Variants in ZNF420 observed in about 807,000 individuals in gnomAD.
ZNF420 encodes the protein ATM and p53-associated KZNF protein.
In ZNF420, 31 loss-of-function variants were observed where a neutral mutation model predicts 44.7. The ratio of observed to expected loss-of-function variants is 0.69; its 90% CI spans 0.52 to 0.94. The LOEUF (loss-of-function observed/expected upper bound fraction) is 0.94, where lower values mean the gene tolerates loss of function less well. ZNF420 is among the 40% of genes least tolerant of loss of function. The pLI is 0.00. For missense variants in ZNF420, 681 were observed against 827.9 expected, an observed-to-expected ratio of 0.82 and a Z score of 2.18; for synonymous variants, 245 against 267.4, an observed-to-expected ratio of 0.92 and a Z score of 0.82.
rs529612187 is a variant in ZNF420 at position 37,069,669 on chromosome 19, G to A, written c.-124-10676G>A. On this transcript the variant is annotated intron_variant, in intron 1 of 4. Coordinates refer to the ZNF420 transcript ENST00000587029. Reference sequence around the variant, plus strand: ...ACTAAAAGTGAAAAACAGTATTGTCGTATGGATATTTGAAATACGTTTCTA... The same window carrying A: ...ACTAAAAGTGAAAAACAGTATTGTCATATGGATATTTGAAATACGTTTCTA... Among the ~76,000 whole-genome samples, 7 of 152,042 alleles carry A rather than the reference G, an allele frequency of 4.6e-5. 1 individual carries two copies. Among genetic ancestry groups the A allele is most frequent in the African/African-American group, 1.4e-4 (6 of 41,490 alleles).
chr19:37,057,243 C>A (rs559026465), intron 1 of ZNF420, among the ~76,000 whole-genome samples: 1 of 152,346 alleles, frequency 6.6e-6, no homozygotes, highest in Non-Finnish European at 1.5e-5. Flanking sequence ...GTGCGGCATC[C>A]AAGCCTCAGG....
At chr19:37,112,804 C>T (rs1970451064) in intron 4 of ZNF420, among the ~76,000 whole-genome samples, 2 of 152,208 alleles carry the variant, frequency 1.3e-5, no homozygotes, top group Admixed American at 1.3e-4. Context: ...ATCAACCACA[C>T]CAGTATGAAT....
intron 1 of ZNF420, among the ~76,000 whole-genome samples, chr19:37,021,739 C>T (rs536119144): frequency 1.3e-4 from 19 of 151,500 alleles, no homozygotes; most frequent in Non-Finnish European, 1.9e-4. Context: ...GAGTTGGAGA[C>T]AAGCCTGACC....
chr19:37,033,843 G>A (rs1229370195), intron 1 of ZNF420, among the ~76,000 whole-genome samples: 4 of 152,114 alleles, frequency 2.6e-5, no homozygotes, highest in South Asian at 4.2e-4. Flanking sequence ...TGACACCTCC[G>A]CCTCCCAGGT....
intron 4 of ZNF420, among the ~76,000 whole-genome samples, chr19:37,101,659 G>C (rs936427256): frequency 6.6e-6 from 1 of 152,238 alleles, no homozygotes; most frequent in Non-Finnish European, 1.5e-5. Context: ...TTAAGCCCAG[G>C]CTTCCTGCTA....
intron 1 of ZNF420, among the ~76,000 whole-genome samples, chr19:37,041,944 A>C (rs1476073080): frequency 5.9e-5 from 9 of 152,312 alleles, no homozygotes; most frequent in African/African-American, 2.2e-4. Context: ...TTTTCCAGGT[A>C]ACTCAAGACT....
intron 4 of ZNF420, among the ~76,000 whole-genome samples, chr19:37,103,316 ATAAT>A (rs71800993): frequency 0.084 from 12,799 of 152,134 alleles, 717 homozygotes; most frequent in Admixed American, 0.12. Flanking sequence ...TGCTAATGTG[ATAAT>A]TAAAAACATT....
chr19:37,077,574 AATTG>A (rs770907642), upstream of ZNF420, among the ~76,000 whole-genome samples: 38 of 152,198 alleles, frequency 2.5e-4, no homozygotes, highest in Non-Finnish European at 4.6e-4. Context: ...TTGTCAGATA[AATTG>A]ATTATCTTTT....
chr19:37,129,240 AT>A lies in ZNF420; in HGVS notation c.*184del. The A allele has an allele frequency of 1.4e-6, 1 of 705,520 alleles. No individual in the cohort carries two copies. Among genetic ancestry groups the A allele is most frequent in the Non-Finnish European group, 2.3e-6 (1 of 439,182 alleles). 43.7% of individuals were successfully genotyped at this position (705,520 alleles called of 1,614,324 possible). A position where few individuals can be genotyped will look rare whatever the true frequency, so the allele number is the denominator to read the frequency against. On this transcript the variant is annotated 3_prime_UTR_variant, in exon 5 of 5. Transcript: ENST00000337995. ...CATCATTACTGGAAACCTATTAAAC[AT>A]TAGCAAATTGGAGAATAGTTTTAAT...
chr19:37,127,700 C>G lies in ZNF420; in HGVS notation c.709C>G (p.Gln237Glu). 1 of 1,613,900 alleles carries G rather than the reference C, an allele frequency of 6.2e-7. No individual in the cohort carries two copies. Among genetic ancestry groups the G allele is most frequent in the Non-Finnish European group, 8.5e-7 (1 of 1,179,884 alleles). Reference protein sequence around the residue: ...ECGKAFIRSSQLTRHQKVHTG... With the variant: ...ECGKAFIRSSELTRHQKVHTG... The stretch of plus-strand genomic sequence containing the variant: ...TGGGAAAGCCTTTATTCGTAGCTCA[C>G]AACTTACCCGACATCAAAAAGTTCA... Residue 237 changes from glutamine (Q) to glutamate (E), a missense_variant, in exon 5 of 5, where the codon CAA becomes GAA. By Grantham distance (29) the Gln-to-Glu change is conservative. This residue lies in a region of ZNF420 where 350 missense variants were observed against 382.5 expected (regional missense o/e 0.92). Transcript: ENST00000337995.
In ZNF420 at chr19:37,089,116, A is replaced by G. The variant is rs777972927; in HGVS notation, c.-3A>G. The G allele has an allele frequency of 5.0e-6, 8 of 1,613,428 alleles. No individual in the cohort carries two copies. In the Admixed American group the frequency reaches 1.2e-4, roughly 24 times the overall value. ...CTGATCATTTCTTGCAGCTCTAAAA[A>G]CCATGGCTCGGGTAAATTGGAGTTT... On this transcript the variant is annotated 5_prime_UTR_variant, in exon 3 of 5. Coordinates refer to ENST00000337995, the MANE Select transcript of ZNF420 (RefSeq NM_144689.5).
intron 1 of ZNF420, among the ~76,000 whole-genome samples, chr19:37,072,192 A>T (rs1900917630): frequency 6.6e-6 from 1 of 152,192 alleles, no homozygotes; most frequent in Non-Finnish European, 1.5e-5. Context: ...TCTGATAAGG[A>T]AATTATAATG....
intron 4 of ZNF420, chr19:37,107,396 A>C (rs1453933100): frequency 2.0e-5 from 3 of 152,224 alleles, no homozygotes; most frequent in Non-Finnish European, 2.9e-5. Flanking sequence ...TTTTTTAACA[A>C]AGTACATCCT....
At chr19:37,088,773 A>C (rs765295725) in intron 2 of ZNF420, among the ~76,000 whole-genome samples, 4 of 152,194 alleles carry the variant, frequency 2.6e-5, no homozygotes, top group Non-Finnish European at 5.9e-5. Flanking sequence ...GTTGTTCATT[A>C]TCTCCATTTT....
chr19:37,016,947 C>T (rs1044457535), intron 1 of ZNF420, among the ~76,000 whole-genome samples: 7 of 152,174 alleles, frequency 4.6e-5, no homozygotes, highest in Non-Finnish European at 8.8e-5. Flanking sequence ...ACAAGGGTTT[C>T]ATAACCTCCT....
Position 37,060,045 on chromosome 19 carries a change from T to TG in ZNF420, c.-124-20299dup, listed in dbSNP as rs1308165927. ...CGTCTGCCTGGGTCACGTGGCTGGTTGTCTCGTTTTCGCGGCGGTTGCACT... is the reference window on the plus strand; with the variant it reads ...CGTCTGCCTGGGTCACGTGGCTGGTTGGTCTCGTTTTCGCGGCGGTTGCACT... On this transcript the variant is annotated intron_variant, in intron 1 of 4. Coordinates refer to the ZNF420 transcript ENST00000587029. Among the ~76,000 whole-genome samples, 3 of 152,220 alleles carry TG rather than the reference T, an allele frequency of 2.0e-5. No individual in the cohort carries two copies. The East Asian group carries it at 5.8e-4, about 30-fold the overall frequency.
rs550043668 is a variant in ZNF420 at position 37,011,978 on chromosome 19, A to G, written c.-125+3896A>G. On this transcript the variant is annotated intron_variant, in intron 1 of 4. Coordinates refer to the ZNF420 transcript ENST00000587029. ...ATGTGTCAGTGAATTTTCAGCCGAC[A>G]CCACGCCTTGAGGCTCATGGATCTT... 2.6e-5 allele frequency among the ~76,000 whole-genome samples: 4 copies of G among 152,274 alleles called. No individual in the cohort carries two copies. In the East Asian group the frequency reaches 5.8e-4, roughly 22 times the overall value.
intron 1 of ZNF420, among the ~76,000 whole-genome samples, chr19:37,033,349 A>G (rs1244591326): frequency 6.6e-6 from 1 of 152,152 alleles, no homozygotes; most frequent in Non-Finnish European, 1.5e-5. Flanking sequence ...TGTACCCTTT[A>G]AACAATAGCC....
At chr19:37,057,274 G>T (rs947667695) in intron 1 of ZNF420, among the ~76,000 whole-genome samples, 1 of 152,220 alleles carries the variant, frequency 6.6e-6, no homozygotes, top group African/African-American at 2.4e-5. Context: ...CGGGGATCGG[G>T]TGAGCCTCCC....
Sources: allele counts gnomAD v4.1 joint callset (sites outside exome capture counted in the v4.1 genomes callset), GRCh38; gene constraint gnomAD v4.1.1; regional missense constraint gnomAD v4.1.1; transcripts MANE v1.5; gene names NCBI Gene and HGNC (gene_info 2026-07-23, HGNC 2026-07-21).